Variants in SUGCT observed in about 807,000 individuals in gnomAD.
SUGCT encodes succinyl-CoA:glutarate-CoA transferase, also known as succinyl-CoA:glutarate CoA-transferase.
A neutral mutation model predicts 55.0 loss-of-function variants in SUGCT; 41 were observed. The observed-to-expected ratio is 0.74, with a 90% CI of 0.58 to 0.97. SUGCT has a LOEUF of 0.97. Among genes scored for constraint, SUGCT ranks in the 50% least tolerant of loss-of-function variants. The pLI, the probability that SUGCT is intolerant of heterozygous loss-of-function variation, is 0.00. For synonymous variants in SUGCT, 187 were observed against 200.4 expected, an observed-to-expected ratio of 0.93 and a Z score of 0.56; for missense variants, 568 against 547.8, an observed-to-expected ratio of 1.04 and a Z score of -0.37.
the SUGCT span, among the ~76,000 whole-genome samples, chr7:41,003,162 T>G: frequency 6.6e-6 from 1 of 152,182 alleles, no homozygotes; most frequent in African/African-American, 2.4e-5. Context: ...CCCACCAACC[T>G]ACGTAATATT....
intron 5 of SUGCT, among the ~76,000 whole-genome samples, chr7:40,193,853 G>A (rs557709548): frequency 9.9e-5 from 15 of 151,960 alleles, no homozygotes; most frequent in Non-Finnish European, 1.9e-4. Flanking sequence ...TGCCCCCCTC[G>A]GCCTCCCAAA....
chr7:40,839,506 G>T (rs555998138), intron 13 of SUGCT, among the ~76,000 whole-genome samples: 1 of 152,054 alleles, frequency 6.6e-6, no homozygotes, highest in Non-Finnish European at 1.5e-5. Flanking sequence ...TAAATGTTTG[G>T]TATAATTCTA....
intron 12 of SUGCT, among the ~76,000 whole-genome samples, chr7:40,676,706 T>C (rs760594503): frequency 3.9e-5 from 6 of 152,084 alleles, no homozygotes; most frequent in Admixed American, 1.3e-4. Flanking sequence ...TTTCACCATG[T>C]TGGCCAGAGT....
At chr7:40,283,837 G>A (rs2151025902) in intron 8 of SUGCT, among the ~76,000 whole-genome samples, 1 of 152,262 alleles carries the variant, frequency 6.6e-6, no homozygotes, top group Middle Eastern at 3.4e-3. Context: ...TATCAAAGGT[G>A]AGGAAATCAG....
chr7:40,944,920 A>C, the SUGCT span, among the ~76,000 whole-genome samples: 1 of 152,202 alleles, frequency 6.6e-6, no homozygotes. Flanking sequence ...ATGATGCCTA[A>C]AAACTGCTTA....
the SUGCT span, among the ~76,000 whole-genome samples, chr7:41,038,191 C>A: frequency 1.3e-5 from 2 of 152,154 alleles, no homozygotes; most frequent in Non-Finnish European, 2.9e-5. Flanking sequence ...TCCGTCTGAC[C>A]TCCTTTTTGC....
intron 13 of SUGCT, among the ~76,000 whole-genome samples, chr7:40,781,469 A>G (rs1249062166): frequency 2.0e-5 from 3 of 151,788 alleles, no homozygotes; most frequent in Non-Finnish European, 4.4e-5. Context: ...CAGGGAAGAT[A>G]CACACACACA....
chr7:40,415,061 A>ATCTATCTATCT (rs59583043), intron 9 of SUGCT, among the ~76,000 whole-genome samples: 14 of 63,620 alleles, frequency 2.2e-4, no homozygotes, highest in East Asian at 6.5e-4. Flanking sequence ...AAAAAAAAAA[A>ATCTATCTATCT]ATCTATCTAT....
intron 7 of SUGCT, among the ~76,000 whole-genome samples, chr7:40,272,661 A>ATTT (rs201968545): frequency 2.5e-4 from 35 of 138,074 alleles, no homozygotes; most frequent in Non-Finnish European, 3.7e-4. Context: ...TATTATTATT[A>ATTT]TTATTTTTTT....
intron 7 of SUGCT, among the ~76,000 whole-genome samples, chr7:40,246,251 C>CTTTTTTTTTTTTTTTTTTTTTTTTT (rs11387100): frequency 6.8e-6 from 1 of 147,230 alleles, no homozygotes. Flanking sequence ...ATAGCATGTT[C>CTTTTTTTTTTTTTTTTTTTTTTTTT]TTTTTTTTTT....
chr7:40,933,029 G>A, the SUGCT span, among the ~76,000 whole-genome samples: 4 of 152,190 alleles, frequency 2.6e-5, no homozygotes, highest in South Asian at 2.1e-4. Flanking sequence ...TCCTAGCATC[G>A]ATGGTCTTTA....
chr7:40,293,986 T>C (rs11763699), intron 8 of SUGCT, among the ~76,000 whole-genome samples: 151,537 of 152,192 alleles, frequency 1, 75,443 homozygotes, highest in East Asian at 1. Context: ...CTCGCTCTGT[T>C]GCTCAGACTG....
intron 12 of SUGCT, among the ~76,000 whole-genome samples, chr7:40,564,256 G>C (rs1465689259): frequency 6.6e-6 from 1 of 152,136 alleles, no homozygotes; most frequent in Non-Finnish European, 1.5e-5. Context: ...GGCGCCTGTA[G>C]TCCCAGTTAC....
chr7:40,905,253 G>A, the SUGCT span, among the ~76,000 whole-genome samples: 1 of 152,182 alleles, frequency 6.6e-6, no homozygotes, highest in Admixed American at 6.5e-5. Context: ...CCTTGGTTGT[G>A]AGAAGACGAT....
At chr7:40,400,462 C>G (rs1476952138) in intron 9 of SUGCT, among the ~76,000 whole-genome samples, 1 of 152,152 alleles carries the variant, frequency 6.6e-6, no homozygotes, top group Non-Finnish European at 1.5e-5. Flanking sequence ...ATAATGATTT[C>G]TTTCCCTTGG....
intron 12 of SUGCT, among the ~76,000 whole-genome samples, chr7:40,720,320 C>T (rs1786259420): frequency 6.6e-6 from 1 of 152,106 alleles, no homozygotes; most frequent in Non-Finnish European, 1.5e-5. Flanking sequence ...GAGGGGTTCA[C>T]AAAGATATGG....
intron 13 of SUGCT, among the ~76,000 whole-genome samples, chr7:40,834,561 C>A (rs1308507454): frequency 1.3e-5 from 2 of 152,028 alleles, no homozygotes; most frequent in East Asian, 3.9e-4. Context: ...TGATTTTAGT[C>A]TGTAAAAGTA....
At chr7:40,337,516 CTCTTTTGA>C (rs1260459939) in intron 9 of SUGCT, among the ~76,000 whole-genome samples, 1 of 152,108 alleles carries the variant, frequency 6.6e-6, no homozygotes, top group Non-Finnish European at 1.5e-5. Flanking sequence ...CTTTCTTTGT[CTCTTTTGA>C]TCTTTGTTGG....
intron 13 of SUGCT, among the ~76,000 whole-genome samples, chr7:40,834,349 G>A (rs191955991): frequency 6.6e-6 from 1 of 152,222 alleles, no homozygotes; most frequent in East Asian, 1.9e-4. Flanking sequence ...AGATGTTGGA[G>A]GCCACGCTTT....
Sources: allele counts gnomAD v4.1 joint callset (sites outside exome capture counted in the v4.1 genomes callset), GRCh38; gene constraint gnomAD v4.1.1; transcripts MANE v1.5; gene names NCBI Gene and HGNC (gene_info 2026-07-23, HGNC 2026-07-21).